The following LHFPL3 variants were observed in gnomAD, a reference collection of about 807,000 sequenced individuals.
The protein encoded by LHFPL3 is LHFPL tetraspan subfamily member 3, also known as LHFPL tetraspan subfamily member 3 protein.
LHFPL3 carries 5 observed loss-of-function variants against 19.3 expected under a neutral mutation model. That is an observed-to-expected ratio of 0.26 (90% CI 0.14 to 0.54). LHFPL3 has a LOEUF of 0.54. Among genes scored for constraint, LHFPL3 ranks in the 20% least tolerant of loss-of-function variants. The pLI, the probability that LHFPL3 is intolerant of heterozygous loss-of-function variation, is 0.94. For missense variants in LHFPL3, 249 were observed against 307.4 expected (o/e 0.81, Z 1.42); for synonymous variants, 133 against 126.2 (o/e 1.05, Z -0.36).
At chr7:104,775,325 G>A (rs972168827) in intron 2 of LHFPL3, among the ~76,000 whole-genome samples, 3 of 152,150 alleles carry the variant, frequency 2.0e-5, no homozygotes, top group Non-Finnish European at 2.9e-5. Flanking sequence ...AAACCCAGGA[G>A]GCAAAGGTTG....
At chr7:104,410,271 T>C (rs1226607648) in intron 1 of LHFPL3, among the ~76,000 whole-genome samples, 2 of 152,276 alleles carry the variant, frequency 1.3e-5, no homozygotes, top group East Asian at 3.9e-4. Flanking sequence ...TAGCTGGGAT[T>C]ACAAGCGCCT....
At chr7:104,416,219 G>T (rs1018185211) in intron 1 of LHFPL3, among the ~76,000 whole-genome samples, 20 of 152,114 alleles carry the variant, frequency 1.3e-4, no homozygotes, top group African/African-American at 4.1e-4. Context: ...TAGAAGCCAA[G>T]GAATTCCAAG....
At chr7:104,510,427 T>G (rs1024813898) in intron 1 of LHFPL3, among the ~76,000 whole-genome samples, 3 of 152,058 alleles carry the variant, frequency 2.0e-5, no homozygotes, top group African/African-American at 7.2e-5. Context: ...TAGACAAGGT[T>G]GCAAAAGTAT....
intron 1 of LHFPL3, among the ~76,000 whole-genome samples, chr7:104,472,761 A>G (rs1488824360): frequency 6.6e-6 from 1 of 152,148 alleles, no homozygotes. Context: ...TTTTTTCTGC[A>G]CATTTGGCAT....
chr7:104,687,621 C>G (rs1479030566), intron 1 of LHFPL3, among the ~76,000 whole-genome samples: 1 of 152,016 alleles, frequency 6.6e-6, no homozygotes, highest in Admixed American at 6.5e-5. Flanking sequence ...GTTTTAGGAG[C>G]CTAAGCCAAA....
chr7:104,595,043 A>G (rs373565935), intron 1 of LHFPL3, among the ~76,000 whole-genome samples: 6 of 152,206 alleles, frequency 3.9e-5, no homozygotes, highest in Admixed American at 2.6e-4. Context: ...ACTTCTGTCA[A>G]CTTCTCAAAG....
At chr7:104,391,867 A>G (rs1791077212) in intron 1 of LHFPL3, among the ~76,000 whole-genome samples, 1 of 152,038 alleles carries the variant, frequency 6.6e-6, no homozygotes. Flanking sequence ...TCATTGAGCA[A>G]TGGTTTGTAA....
chr7:104,874,560 A>G (rs774828044), intron 2 of LHFPL3, among the ~76,000 whole-genome samples: 10 of 151,796 alleles, frequency 6.6e-5, no homozygotes, highest in Non-Finnish European at 1.3e-4. Context: ...ACACCCGGCT[A>G]ATTTTTTGTA....
At chr7:104,506,123 T>G (rs1252350826) in intron 1 of LHFPL3, among the ~76,000 whole-genome samples, 1 of 152,020 alleles carries the variant, frequency 6.6e-6, no homozygotes, top group African/African-American at 2.4e-5. Flanking sequence ...TTCAAGTGAT[T>G]CTCCTGCCTC....
At chr7:104,554,175 C>T (rs1475527373) in intron 1 of LHFPL3, among the ~76,000 whole-genome samples, 1 of 151,998 alleles carries the variant, frequency 6.6e-6, no homozygotes, top group Non-Finnish European at 1.5e-5. Flanking sequence ...GGGCTGGTTC[C>T]TTGTGTTTGC....
chr7:104,486,946 C>T (rs1793248524), intron 1 of LHFPL3, among the ~76,000 whole-genome samples: 1 of 152,052 alleles, frequency 6.6e-6, no homozygotes, highest in African/African-American at 2.4e-5. Flanking sequence ...TCCACTTTGG[C>T]ATTGCTTTAG....
intron 1 of LHFPL3, among the ~76,000 whole-genome samples, chr7:104,490,867 C>T (rs1178178585): frequency 2.6e-5 from 4 of 152,138 alleles, no homozygotes; most frequent in African/African-American, 9.7e-5. Flanking sequence ...TTGGGTGCCA[C>T]CTCTTTTTTT....
chr7:104,637,826 CT>C (rs375790026), intron 1 of LHFPL3, among the ~76,000 whole-genome samples: 133 of 108,942 alleles, frequency 1.2e-3, no homozygotes, highest in East Asian at 3.4e-3. Flanking sequence ...ATGCCTCCAG[CT>C]TTTTTTTTTT....
chr7:104,453,305 G>T (rs1251324800), intron 1 of LHFPL3, among the ~76,000 whole-genome samples: 5 of 151,346 alleles, frequency 3.3e-5, no homozygotes, highest in African/African-American at 1.2e-4. Flanking sequence ...GGGGGAGATG[G>T]CGGGAAACTA....
chr7:104,365,308 T>A (rs868845129), intron 1 of LHFPL3, among the ~76,000 whole-genome samples: 6 of 151,068 alleles, frequency 4.0e-5, no homozygotes, highest in Admixed American at 6.6e-5. Context: ...TCAAAAAAAA[T>A]AAAAAATAAA....
chr7:104,700,215 CTT>C (rs1366823108), intron 1 of LHFPL3, among the ~76,000 whole-genome samples: 1 of 152,176 alleles, frequency 6.6e-6, no homozygotes, highest in African/African-American at 2.4e-5. Flanking sequence ...TTTATTTTCT[CTT>C]GTTTCTTCCC....
intron 1 of LHFPL3, among the ~76,000 whole-genome samples, chr7:104,688,520 T>A (rs543209403): frequency 6.6e-6 from 1 of 152,104 alleles, no homozygotes; most frequent in Non-Finnish European, 1.5e-5. Flanking sequence ...GACACTGAGC[T>A]TGTAAAGTCT....
At chr7:104,744,701 C>T (rs935529486) in intron 2 of LHFPL3, among the ~76,000 whole-genome samples, 5 of 152,202 alleles carry the variant, frequency 3.3e-5, no homozygotes, top group African/African-American at 7.2e-5. Context: ...AAATCTCATG[C>T]GCAACTTTCA....
At chr7:104,764,707 C>A (rs1794427511) in intron 2 of LHFPL3, among the ~76,000 whole-genome samples, 2 of 152,328 alleles carry the variant, frequency 1.3e-5, no homozygotes, top group South Asian at 2.1e-4. Context: ...TATTTACATG[C>A]CTATCTACTG....
Sources: gnomAD v4.1 joint callset for allele counts (sites outside exome capture counted in the v4.1 genomes callset) on GRCh38, gnomAD v4.1.1 for gene constraint, MANE v1.5 for transcripts, NCBI Gene and HGNC (gene_info 2026-07-23, HGNC 2026-07-21) for gene names.